Variants in CCDC85A observed in about 807,000 individuals in gnomAD.
The protein encoded by CCDC85A is coiled-coil domain containing 85A.
In CCDC85A, 38 loss-of-function variants were observed where a neutral mutation model predicts 50.2. The observed-to-expected ratio is 0.76, with a 90% CI of 0.58 to 0.99. The LOEUF (loss-of-function observed/expected upper bound fraction) is 0.99, where lower values mean the gene tolerates loss of function less well. Among genes scored for constraint, CCDC85A ranks in the 50% least tolerant of loss-of-function variants. CCDC85A has a pLI of 0.00. For synonymous variants in CCDC85A, 366 were observed against 301.4 expected (o/e 1.21, Z -2.22); for missense variants, 820 against 742.0 (o/e 1.11, Z -1.22).
intron 2 of CCDC85A, among the ~76,000 whole-genome samples, chr2:56,229,535 G>A (rs956273240): frequency 1.3e-5 from 2 of 152,170 alleles, no homozygotes; most frequent in South Asian, 2.1e-4. Flanking sequence ...TGGCCTATAG[G>A]AAGAAGAGAG....
intron 3 of CCDC85A, among the ~76,000 whole-genome samples, chr2:56,349,339 CA>C (rs1674788368): frequency 6.6e-6 from 1 of 152,020 alleles, no homozygotes; most frequent in South Asian, 2.1e-4. Context: ...ATAGAGCTTT[CA>C]GGGGACAGAT....
rs747133428 is a variant in CCDC85A, at chr2:56,184,693, C to T, written c.69C>T (p.Ala23=). 3.5e-5 allele frequency: 54 copies of T among 1,524,006 alleles called. No homozygotes were observed. The South Asian group carries it at 6.0e-4, about 17-fold the overall frequency. 94.4% of individuals were successfully genotyped at this position (1,524,006 alleles called of 1,614,324 possible). The change falls in exon 1 of 6, where the codon GCC becomes GCT. Residue 23 remains alanine (A), a synonymous_variant. Transcript: ENST00000407595. ...AAAESCSPAP[A]GSSAAPPAPV... ...CGGAAAGTTGTTCCCCAGCCCCGGCCGGCTCGTCCGCGGCCCCGCCCGCGC... is the reference window on the plus strand; with the variant it reads ...CGGAAAGTTGTTCCCCAGCCCCGGCTGGCTCGTCCGCGGCCCCGCCCGCGC...
chr2:56,200,320 A>G (rs1676682736), intron 2 of CCDC85A, among the ~76,000 whole-genome samples: 1 of 152,218 alleles, frequency 6.6e-6, no homozygotes, highest in African/African-American at 2.4e-5. Context: ...GTGAGCATTG[A>G]GCATATTTGG....
intron 2 of CCDC85A, among the ~76,000 whole-genome samples, chr2:56,254,724 T>C (rs982515311): frequency 6.6e-6 from 1 of 152,194 alleles, no homozygotes; most frequent in Non-Finnish European, 1.5e-5. Context: ...ATAGGTGTCA[T>C]GACAGCATAT....
chr2:56,212,566 A>C (rs1677223369), intron 2 of CCDC85A, among the ~76,000 whole-genome samples: 1 of 152,156 alleles, frequency 6.6e-6, no homozygotes, highest in Non-Finnish European at 1.5e-5. Context: ...ACTATGAAAG[A>C]GCTTTATCTA....
At chr2:56,342,990 G>A in intron 3 of CCDC85A, 35 bp downstream of exon 3, 1 of 1,386,784 alleles carries the variant, frequency 7.2e-7, no homozygotes, top group South Asian at 1.3e-5. Flanking sequence ...GCTAGTCAGT[G>A]CCATTTAAGT....
intron 2 of CCDC85A, among the ~76,000 whole-genome samples, chr2:56,236,444 CT>C (rs1299492735): frequency 6.6e-6 from 1 of 152,090 alleles, no homozygotes; most frequent in Non-Finnish European, 1.5e-5. Flanking sequence ...ACTTGGCCTT[CT>C]TCATAAGGTG....
chr2:56,268,780 G>A (rs935781100), intron 2 of CCDC85A, among the ~76,000 whole-genome samples: 1 of 151,484 alleles, frequency 6.6e-6, no homozygotes, highest in Non-Finnish European at 1.5e-5. Context: ...AACATTTTTG[G>A]CTCCATACTC....
intron 3 of CCDC85A, among the ~76,000 whole-genome samples, chr2:56,347,337 T>A: frequency 6.6e-6 from 1 of 152,216 alleles, no homozygotes; most frequent in South Asian, 2.1e-4. Context: ...ATGTGCACAG[T>A]GGCTCCCTTA....
chr2:56,334,545 T>A (rs1283770489), intron 2 of CCDC85A, among the ~76,000 whole-genome samples: 1 of 152,132 alleles, frequency 6.6e-6, no homozygotes, highest in Non-Finnish European at 1.5e-5. Context: ...ACTTGCAGAA[T>A]GGGAAAATTT....
chr2:56,194,105 A>C (rs1426916168), intron 2 of CCDC85A, among the ~76,000 whole-genome samples: 1 of 152,184 alleles, frequency 6.6e-6, no homozygotes, highest in Admixed American at 6.5e-5. Context: ...CACTGTCATC[A>C]AACTCCCTTA....
At chr2:56,226,638 TTA>T (rs1668554965) in intron 2 of CCDC85A, among the ~76,000 whole-genome samples, 1 of 152,114 alleles carries the variant, frequency 6.6e-6, no homozygotes. Flanking sequence ...AACCTTGGTA[TTA>T]TGAATTTCAT....
At chr2:56,247,099 A>G (rs375346835) in intron 2 of CCDC85A, among the ~76,000 whole-genome samples, 20 of 152,316 alleles carry the variant, frequency 1.3e-4, no homozygotes, top group African/African-American at 4.8e-4. Context: ...AAATGTGGTT[A>G]TGCTATAGTG....
chr2:56,301,238 T>C (rs4671278), intron 2 of CCDC85A, among the ~76,000 whole-genome samples: 19,225 of 152,172 alleles, frequency 0.13, 1,398 homozygotes, highest in Admixed American at 0.22. Flanking sequence ...TCACTAAATA[T>C]GTTGTGTTTG....
intron 2 of CCDC85A, among the ~76,000 whole-genome samples, chr2:56,331,447 G>T (rs1345485007): frequency 6.6e-6 from 1 of 152,106 alleles, no homozygotes; most frequent in African/African-American, 2.4e-5. Context: ...TACATTATTT[G>T]GGTGTTGTTT....
intron 2 of CCDC85A, among the ~76,000 whole-genome samples, chr2:56,248,869 A>G (rs550160332): frequency 1.3e-5 from 2 of 152,250 alleles, no homozygotes; most frequent in South Asian, 4.1e-4. Flanking sequence ...ATTAGAAAAA[A>G]TGAGAATTCA....
At chr2:56,293,156 G>A (rs1165804369) in intron 2 of CCDC85A, among the ~76,000 whole-genome samples, 1 of 152,144 alleles carries the variant, frequency 6.6e-6, no homozygotes, top group East Asian at 1.9e-4. Context: ...ATTAGGTCCC[G>A]TTAGCTGTCT....
At chr2:56,312,041 T>C (rs1374386535) in intron 2 of CCDC85A, among the ~76,000 whole-genome samples, 1 of 152,084 alleles carries the variant, frequency 6.6e-6, no homozygotes, top group Non-Finnish European at 1.5e-5. Flanking sequence ...TGCTTCTGAG[T>C]GGCACTGTTT....
At chr2:56,243,637 G>A (rs1483954895) in intron 2 of CCDC85A, among the ~76,000 whole-genome samples, 1 of 152,120 alleles carries the variant, frequency 6.6e-6, no homozygotes, top group Non-Finnish European at 1.5e-5. Context: ...CTTGGCCCCT[G>A]GTTCCTTATT....
Sources: gnomAD v4.1 joint callset for allele counts (sites outside exome capture counted in the v4.1 genomes callset) on GRCh38, gnomAD v4.1.1 for gene constraint, MANE v1.5 for transcripts, NCBI Gene and HGNC (gene_info 2026-07-23, HGNC 2026-07-21) for gene names.